The following XRN1 variants were observed in gnomAD, a reference collection of about 807,000 sequenced individuals.
The protein encoded by XRN1 is strand-exchange protein 1 homolog.
In XRN1, 67 loss-of-function variants were observed where a neutral mutation model predicts 222.3. The observed-to-expected ratio is 0.30, with a 90% CI of 0.25 to 0.37. The LOEUF (loss-of-function observed/expected upper bound fraction) is 0.37, where lower values mean the gene tolerates loss of function less well. XRN1 is among the 10% of genes least tolerant of loss of function. The pLI is 1.00. For missense variants in XRN1, 1,707 were observed against 2,000.2 expected (o/e 0.85, Z 2.80); for synonymous variants, 643 against 652.4 (o/e 0.99, Z 0.22).
At chr3:142,397,187 G>T in intron 20 of XRN1, 142 bp downstream of exon 20, 1 of 764,398 alleles carries the variant, frequency 1.3e-6, no homozygotes, top group Non-Finnish European at 1.9e-6. Context: ...TTTTAAACTA[G>T]AACTCATTAC....
chr3:142,367,542 CTCTT>C (rs987309602), intron 27 of XRN1, among the ~76,000 whole-genome samples: 1 of 151,764 alleles, frequency 6.6e-6, no homozygotes, highest in African/African-American at 2.4e-5. Context: ...AGAAAACTGA[CTCTT>C]TTTTTTTTAT....
rs200019581 is a variant in XRN1, at chr3:142,405,190, C to CA, written c.1714-115dup. The CA allele has an allele frequency of 2.3e-3, 2,240 of 963,664 alleles. 35 individuals carry two copies. In the African/African-American group the frequency reaches 0.033, roughly 14 times the overall value. The allele number at this position is 963,664 out of a possible 1,614,324, so 59.7% of individuals were successfully genotyped here. ...AATAACCATTTGTGCTCTTGAAAAA[C>CA]AAAAAACCAAAATCTTAACTAATGA... On this transcript the variant is annotated intron_variant, in intron 15 of 40. Coordinates refer to ENST00000392981, the MANE Select transcript of XRN1 (RefSeq NM_001282857.2).
intron 18 of XRN1, among the ~76,000 whole-genome samples, chr3:142,401,014 A>G (rs2068109079): frequency 1.3e-5 from 2 of 152,232 alleles, no homozygotes; most frequent in African/African-American, 4.8e-5. Context: ...CATTCTAATT[A>G]TCTTCCTTAT....
chr3:142,347,214 C>T lies in XRN1; in HGVS notation c.3877+20G>A, dbSNP rs1186470638. 6.6e-7 allele frequency: 1 copy of T among 1,513,546 alleles called. No homozygotes were observed. Among genetic ancestry groups the T allele is most frequent in the East Asian group, 2.3e-5 (1 of 43,984 alleles). The allele number at this position is 1,513,546 out of a possible 1,614,324, so 93.8% of individuals were successfully genotyped here. ...AAAGAAGCAGCACACACAAGTACAC[C>T]TTTCTAATTTAAAACTTACATTTTC... is the stretch of plus-strand genomic sequence containing the variant. On this transcript the variant is annotated intron_variant, in intron 33 of 40. Coordinates refer to ENST00000392981, the MANE Select transcript of XRN1 (RefSeq NM_001282857.2).
intron 39 of XRN1, among the ~76,000 whole-genome samples, chr3:142,316,034 A>T (rs1285045633): frequency 6.6e-6 from 1 of 152,130 alleles, no homozygotes; most frequent in East Asian, 1.9e-4. Context: ...ATGTAAGTAC[A>T]TTACATCATT....
chr3:142,401,477 G>A (rs1299169419), intron 18 of XRN1, among the ~76,000 whole-genome samples: 1 of 152,160 alleles, frequency 6.6e-6, no homozygotes, highest in Non-Finnish European at 1.5e-5. Flanking sequence ...CACTTTGGGA[G>A]GCCGAGGCAG....
intron 23 of XRN1, 46 bp downstream of exon 23, chr3:142,380,034 TAA>T (rs1450902138): frequency 6.7e-7 from 1 of 1,490,908 alleles, no homozygotes; most frequent in Non-Finnish European, 9.1e-7. Flanking sequence ...CCTAATATTT[TAA>T]AAGTTTATCA....
rs2107833216 is a variant in XRN1 at position 142,307,876 on chromosome 3, A to G, written c.*3635T>C. On this transcript the variant is annotated 3_prime_UTR_variant, in exon 41 of 41. Transcript: ENST00000392981. ...AGAAAAATGACAAATGAACTTCTGC[A>G]ATTGATTTTTAAAGACAGAGAACGA... The G allele has an allele frequency of 6.6e-6, 1 of 152,316 alleles. No individual in the cohort carries two copies. The highest frequency in any genetic ancestry group is 1.9e-4 in the East Asian group (1 of 5,192). The allele number at this position is 152,316 out of a possible 1,614,324, so 9.4% of individuals were successfully genotyped here.
rs761360954 is a variant in XRN1, at chr3:142,404,966, C to A, written c.1824G>T (p.Glu608Asp). 1 of 1,614,016 alleles carries A rather than the reference C, an allele frequency of 6.2e-7. No individual in the cohort carries two copies. The highest frequency in any genetic ancestry group is 8.5e-7 in the Non-Finnish European group (1 of 1,179,942). ...CTGGCCATGGAGAAGGATAGATAAA[C>A]TCTGTGTCTCTATCATACCAGCACA... ...CLMCWYDRDT[E>D]FIYPSPWPEK... The change falls in exon 16 of 41, where the codon GAG becomes GAT. Residue 608 changes from glutamate (E) to aspartate (D), a missense_variant. By Grantham distance (45) the Glu-to-Asp change is conservative. Around this residue, in one of 2 missense-constraint regions of XRN1, gnomAD observed 1,234 missense variants for 1,518.2 expected, o/e 0.81. Transcript: ENST00000392981.
chr3:142,348,942 A>C (rs936670578), intron 32 of XRN1, among the ~76,000 whole-genome samples: 2 of 148,476 alleles, frequency 1.3e-5, no homozygotes, highest in Non-Finnish European at 3.0e-5. Flanking sequence ...GCCCAGCCCA[A>C]GGCTCTTCAG....
intron 1 of XRN1, among the ~76,000 whole-genome samples, chr3:142,438,501 C>T (rs921142128): frequency 1.3e-5 from 2 of 152,120 alleles, no homozygotes; most frequent in Non-Finnish European, 2.9e-5. Flanking sequence ...CCTTACAGGA[C>T]GCTCTAGGAC....
chr3:142,435,111 T>C (rs1012133038), intron 1 of XRN1: 2 of 152,142 alleles, frequency 1.3e-5, no homozygotes, highest in African/African-American at 4.8e-5. Context: ...AGTCAACATC[T>C]CTGGCCGGGC....
intron 29 of XRN1, among the ~76,000 whole-genome samples, chr3:142,364,045 G>A (rs1331250162): frequency 6.6e-6 from 1 of 152,224 alleles, no homozygotes; most frequent in Non-Finnish European, 1.5e-5. Flanking sequence ...AGGGGAAGGA[G>A]TTCAAATCCC....
In XRN1 at chr3:142,311,421, A is replaced by C; in HGVS notation, c.*90T>G. 8.1e-7 allele frequency: 1 copy of C among 1,227,488 alleles called. No individual in the cohort carries two copies. Among genetic ancestry groups the C allele is most frequent in the East Asian group, 2.5e-5 (1 of 39,888 alleles). The allele number at this position is 1,227,488 out of a possible 1,614,324, so 76.0% of individuals were successfully genotyped here. A position where few individuals can be genotyped will look rare whatever the true frequency, so the allele number is the denominator to read the frequency against. On this transcript the variant is annotated 3_prime_UTR_variant, in exon 41 of 41. Coordinates refer to ENST00000392981, the MANE Select transcript of XRN1 (RefSeq NM_001282857.2). Reference sequence around the variant, plus strand: ...CAATTTACACATATTATTTTAAAATAGTACATTCTAATTTTTATGAGACAT... The same window carrying C: ...CAATTTACACATATTATTTTAAAATCGTACATTCTAATTTTTATGAGACAT...
At chr3:142,359,167 C>T (rs573682824) in intron 30 of XRN1, among the ~76,000 whole-genome samples, 3 of 152,202 alleles carry the variant, frequency 2.0e-5, no homozygotes, top group South Asian at 4.1e-4. Context: ...GGCACTTTCC[C>T]CCAAAACACT....
rs1206850313 is a variant in XRN1, at chr3:142,357,091, G to A, written c.3493C>T (p.Pro1165Ser). Residue 1165 changes from proline (P) to serine (S), a missense_variant, in exon 31 of 41, where the codon CCA becomes TCA. By Grantham distance (74) the Pro-to-Ser change is moderately conservative. This residue lies in a region of XRN1 where 1,234 missense variants were observed against 1,518.2 expected (regional missense o/e 0.81). Coordinates refer to ENST00000392981, the MANE Select transcript of XRN1 (RefSeq NM_001282857.2). The part of the protein sequence containing the change: ...RCSPGRGYRL[P>S]TSALVNLSHG... Reference sequence around the variant, plus strand: ...GAAAGGTTCACCAAGGCACTTGTTGGCAGTCGATAACCTCTACCAGGTGAG... The same window carrying A: ...GAAAGGTTCACCAAGGCACTTGTTGACAGTCGATAACCTCTACCAGGTGAG... 6.2e-7 allele frequency: 1 copy of A among 1,612,904 alleles called. No individual in the cohort carries two copies. Among genetic ancestry groups the A allele is most frequent in the Admixed American group, 1.7e-5 (1 of 59,846 alleles).
At chr3:142,442,306 A>G (rs2108210810) in intron 1 of XRN1, among the ~76,000 whole-genome samples, 2 of 152,316 alleles carry the variant, frequency 1.3e-5, no homozygotes, top group African/African-American at 4.8e-5. Context: ...GTCATCAGAA[A>G]GGAACGGGAA....
intron 37 of XRN1, 83 bp from the exon 38 acceptor site, chr3:142,318,986 A>G (rs1411218421): frequency 6.1e-6 from 7 of 1,148,382 alleles, no homozygotes; most frequent in Non-Finnish European, 8.5e-6. Context: ...AACAAGTAAA[A>G]TAATTTTATC....
rs528746174 is a variant in XRN1, at chr3:142,421,240, G to A, written c.1036-87C>T. 8 of 1,263,922 alleles carry A rather than the reference G, an allele frequency of 6.3e-6. No homozygotes were observed. The South Asian group carries it at 1.4e-4, about 23-fold the overall frequency. The allele number at this position is 1,263,922 out of a possible 1,614,324, so 78.3% of individuals were successfully genotyped here. A position where few individuals can be genotyped will look rare whatever the true frequency, so the allele number is the denominator to read the frequency against. ...CAAACTTAAAACAGTGACTACTACT[G>A]GGGTATAGGAAATTGGAGAATGTTA... On this transcript the variant is annotated intron_variant, in intron 9 of 40. Coordinates refer to ENST00000392981, the MANE Select transcript of XRN1 (RefSeq NM_001282857.2).
Sources: gnomAD v4.1 joint callset for allele counts (sites outside exome capture counted in the v4.1 genomes callset) on GRCh38, gnomAD v4.1.1 for gene constraint, gnomAD v4.1.1 regional missense constraint, MANE v1.5 for transcripts, NCBI Gene and HGNC (gene_info 2026-07-23, HGNC 2026-07-21) for gene names.